Variants in DYNC2H1 observed in about 807,000 individuals in gnomAD.
DYNC2H1 encodes the protein dynein cytoplasmic 2 heavy chain 1.
DYNC2H1 carries 410 observed loss-of-function variants against 570.0 expected under a neutral mutation model. The observed-to-expected ratio is 0.72, with a 90% confidence interval of 0.66 to 0.78. DYNC2H1 has a LOEUF of 0.78. Ranked by LOEUF, DYNC2H1 falls within the 30% of genes least tolerant of loss-of-function variation. DYNC2H1 has a pLI of 0.00. For synonymous variants in DYNC2H1, 1,688 were observed against 1,677.6 expected (o/e 1.01, Z -0.15); for missense variants, 4,865 against 5,046.4 (o/e 0.96, Z 1.09).
At chr11:103,272,592 A>T (rs1433862279) in intron 70 of DYNC2H1, among the ~76,000 whole-genome samples, 7 of 152,156 alleles carry the variant, frequency 4.6e-5, no homozygotes, top group African/African-American at 1.4e-4. Flanking sequence ...AAATAAATAA[A>T]TAAAAAAGAA....
At position 103,125,185 on chromosome 11, in the gene DYNC2H1, C is replaced by T. The variant is rs1388926716; in HGVS notation, c.1747C>T (p.Leu583=). The change falls in exon 12 of 89, where the codon CTG becomes TTG. Residue 583 remains leucine (L), a synonymous_variant. Transcript: ENST00000375735. Reference sequence around the variant, plus strand: ...TTATTCAGATCGTTTGGTGATTCTTCTGAGAGAAGTTCGTCAGCTCTCTGC... The same window carrying T: ...TTATTCAGATCGTTTGGTGATTCTTTTGAGAGAAGTTCGTCAGCTCTCTGC... ...VHYSDRLVIL[L]REVRQLSALG... 20 of 1,613,496 alleles carry T rather than the reference C, an allele frequency of 1.2e-5. No homozygotes were observed. Among genetic ancestry groups the T allele is most frequent in the Non-Finnish European group, 1.7e-5 (20 of 1,179,732 alleles).
At chr11:103,362,240 A>G (rs566347206) in intron 83 of DYNC2H1, among the ~76,000 whole-genome samples, 4 of 152,160 alleles carry the variant, frequency 2.6e-5, no homozygotes, top group Middle Eastern at 3.4e-3. Flanking sequence ...ATTTAGGAAA[A>G]CAAAAACAAT....
chr11:103,293,632 A>C (rs1455364192), intron 75 of DYNC2H1, among the ~76,000 whole-genome samples: 2 of 151,424 alleles, frequency 1.3e-5, no homozygotes, highest in South Asian at 4.2e-4. Flanking sequence ...TTTCTCCTCT[A>C]TATTTTCATG....
intron 83 of DYNC2H1, among the ~76,000 whole-genome samples, chr11:103,377,540 G>T (rs1941443073): frequency 1.3e-5 from 2 of 151,744 alleles, no homozygotes; most frequent in Non-Finnish European, 2.9e-5. Context: ...TATAATTATA[G>T]ATATTGGTGG....
chr11:103,374,606 A>G (rs1484625420), intron 83 of DYNC2H1, among the ~76,000 whole-genome samples: 1 of 152,164 alleles, frequency 6.6e-6, no homozygotes, highest in Non-Finnish European at 1.5e-5. Context: ...TGATATGGGC[A>G]ATGAAGTCCA....
chr11:103,414,785 G>A (rs1003852322), intron 84 of DYNC2H1, among the ~76,000 whole-genome samples: 2 of 152,174 alleles, frequency 1.3e-5, no homozygotes, highest in African/African-American at 2.4e-5. Context: ...ATTCACAATT[G>A]CTGCAAAGAG....
At chr11:103,115,771 G>A (rs900134364) in intron 4 of DYNC2H1, among the ~76,000 whole-genome samples, 12 of 152,168 alleles carry the variant, frequency 7.9e-5, no homozygotes, top group African/African-American at 2.9e-4. Flanking sequence ...GGGCAAGAGT[G>A]CGAGACTCCA....
chr11:103,139,842 G>A (rs1186045170), intron 17 of DYNC2H1, among the ~76,000 whole-genome samples: 2 of 152,060 alleles, frequency 1.3e-5, no homozygotes, highest in Non-Finnish European at 2.9e-5. Flanking sequence ...ATTATTGTGT[G>A]GGAGTCTAAG....
intron 45 of DYNC2H1, among the ~76,000 whole-genome samples, chr11:103,191,109 A>G (rs1043964705): frequency 1.4e-5 from 2 of 147,878 alleles, no homozygotes; most frequent in Non-Finnish European, 3.0e-5. Flanking sequence ...GCACAATCTC[A>G]GCTCACTGCA....
intron 75 of DYNC2H1, among the ~76,000 whole-genome samples, chr11:103,292,320 G>C (rs776210110): frequency 1.3e-5 from 2 of 151,832 alleles, no homozygotes; most frequent in African/African-American, 2.4e-5. Context: ...ATTTTAAACT[G>C]ATGACAACTT....
intron 56 of DYNC2H1, 34 bp from the exon 57 acceptor site, chr11:103,220,589 A>G: frequency 6.5e-7 from 1 of 1,549,328 alleles, no homozygotes; most frequent in Non-Finnish European, 8.7e-7. Flanking sequence ...GAAATATATA[A>G]TTTGAAGATA....
intron 52 of DYNC2H1, among the ~76,000 whole-genome samples, chr11:103,207,601 C>CT (rs1443641489): frequency 6.6e-6 from 1 of 151,714 alleles, no homozygotes; most frequent in Non-Finnish European, 1.5e-5. Context: ...GCTTTGGAGG[C>CT]TTAAAGAGAC....
At chr11:103,188,892 T>C (rs1446643986) in intron 44 of DYNC2H1, among the ~76,000 whole-genome samples, 1 of 152,034 alleles carries the variant, frequency 6.6e-6, no homozygotes, top group African/African-American at 2.4e-5. Context: ...TTTTGTGTAG[T>C]CTGTGTTCCA....
At chr11:103,153,607 T>A in intron 22 of DYNC2H1, 99 bp downstream of exon 22, 1 of 1,046,690 alleles carries the variant, frequency 9.6e-7, no homozygotes, top group Non-Finnish European at 1.4e-6. Context: ...ATAACTTTCC[T>A]CATAAACTTC....
intron 18 of DYNC2H1, among the ~76,000 whole-genome samples, chr11:103,146,064 A>T (rs1008201229): frequency 6.6e-6 from 1 of 152,216 alleles, no homozygotes; most frequent in Non-Finnish European, 1.5e-5. Context: ...CAGAAATTTT[A>T]TAACTTCATG....
Position 103,456,445 on chromosome 11 carries a change from C to T in DYNC2H1, c.12648+89C>T, listed in dbSNP as rs313870. 6.1e-3 allele frequency: 6,103 copies of T among 997,544 alleles called. 239 individuals are homozygous for T. In the African/African-American group the frequency reaches 0.086, roughly 14 times the overall value. 61.8% of individuals were successfully genotyped at this position (997,544 alleles called of 1,614,324 possible). ...AAATTTTGATCTCAAAGTGACCTAT[C>T]TTTATAGTGTAAGATCAGTAGAGTT... On this transcript the variant is annotated intron_variant, in intron 87 of 88. Coordinates refer to ENST00000375735, the MANE Select transcript of DYNC2H1 (RefSeq NM_001377.3).
intron 81 of DYNC2H1, among the ~76,000 whole-genome samples, chr11:103,323,640 G>A (rs987674139): frequency 5.9e-5 from 9 of 151,848 alleles, no homozygotes; most frequent in South Asian, 2.1e-4. Flanking sequence ...TAAATAATTC[G>A]GAGTCCCTTT....
At position 103,156,729 on chromosome 11, in the gene DYNC2H1, A is replaced by G. The variant is rs1336148917; in HGVS notation, c.4086A>G (p.Pro1362=). ...LEPIFGRGAL[P]KEQTRFNRVD... is the part of the protein sequence containing the mutation. ...CCATTTTCGGCCGTGGAGCATTGCC[A>G]AAAGAACAGACACGCTTCAACAGAG... Residue 1362 remains proline (P), a synonymous_variant, in exon 26 of 89, where the codon CCA becomes CCG. Coordinates refer to ENST00000375735, the MANE Select transcript of DYNC2H1 (RefSeq NM_001377.3). The G allele has an allele frequency of 1.9e-6, 3 of 1,613,266 alleles. No individual in the cohort carries two copies. The highest frequency in any genetic ancestry group is 2.2e-5 in the East Asian group (1 of 44,860).
Position 103,168,739 on chromosome 11 carries a change from T to C in DYNC2H1, c.4763-16T>C, listed in dbSNP as rs919253327. On this transcript the variant is annotated splice_polypyrimidine_tract_variant and intron_variant, in intron 31 of 88. Coordinates refer to ENST00000375735, the MANE Select transcript of DYNC2H1 (RefSeq NM_001377.3). ...TAACATTTTCTCCAATTGTCAATATTTTTATTTCTGCCTAGAATCGGGCAT... is the reference window on the plus strand; with the variant it reads ...TAACATTTTCTCCAATTGTCAATATCTTTATTTCTGCCTAGAATCGGGCAT... The C allele has an allele frequency of 2.5e-6, 4 of 1,609,666 alleles. No individual in the cohort carries two copies. The highest frequency in any genetic ancestry group is 2.7e-5 in the African/African-American group (2 of 74,764).
Sources: allele counts gnomAD v4.1 joint callset (sites outside exome capture counted in the v4.1 genomes callset), GRCh38; gene constraint gnomAD v4.1.1; transcripts MANE v1.5; gene names NCBI Gene and HGNC (gene_info 2026-07-23, HGNC 2026-07-21).